Variants in IMMP2L observed in about 807,000 individuals in gnomAD.
The protein encoded by IMMP2L is inner mitochondrial membrane peptidase subunit 2.
In IMMP2L, 18 loss-of-function variants were observed where a neutral mutation model predicts 19.3. The observed-to-expected ratio is 0.93, with a 90% CI of 0.64 to 1.38. The LOEUF (loss-of-function observed/expected upper bound fraction) is 1.38, where lower values mean the gene tolerates loss of function less well. IMMP2L is among the 40% of genes most tolerant of loss of function. The pLI, the probability that IMMP2L is intolerant of heterozygous loss-of-function variation, is 0.00. For synonymous variants in IMMP2L, 76 were observed against 73.0 expected (o/e 1.04, Z -0.21); for missense variants, 233 against 218.2 (o/e 1.07, Z -0.43).
chr7:111,150,034 C>T (rs1269671516), intron 3 of IMMP2L, among the ~76,000 whole-genome samples: 2 of 152,040 alleles, frequency 1.3e-5, no homozygotes, highest in Non-Finnish European at 2.9e-5. Flanking sequence ...ATTTTATTTC[C>T]AGTACTACTT....
At chr7:111,093,680 G>GA (rs1298020379) in intron 3 of IMMP2L, among the ~76,000 whole-genome samples, 1 of 152,158 alleles carries the variant, frequency 6.6e-6, no homozygotes, top group Non-Finnish European at 1.5e-5. Context: ...TTCAGTCTGA[G>GA]AAATACCAAC....
chr7:111,036,599 CA>C (rs747781449), intron 3 of IMMP2L, among the ~76,000 whole-genome samples: 1 of 151,124 alleles, frequency 6.6e-6, no homozygotes, highest in East Asian at 1.9e-4. Context: ...ATAGTTTAGC[CA>C]AAAAAAAGTC....
intron 3 of IMMP2L, among the ~76,000 whole-genome samples, chr7:111,152,939 T>A (rs924806711): frequency 4.6e-5 from 7 of 152,052 alleles, no homozygotes; most frequent in African/African-American, 1.7e-4. Context: ...GAATGATGAA[T>A]GGATAGCTGG....
At chr7:111,003,564 T>C (rs1406393468) in intron 3 of IMMP2L, among the ~76,000 whole-genome samples, 1 of 151,846 alleles carries the variant, frequency 6.6e-6, no homozygotes, top group Non-Finnish European at 1.5e-5. Context: ...CAGGCTGGAG[T>C]GCAGTGGTGT....
chr7:111,294,709 A>T (rs1390545598), intron 3 of IMMP2L, among the ~76,000 whole-genome samples: 1 of 151,966 alleles, frequency 6.6e-6, no homozygotes, highest in Non-Finnish European at 1.5e-5. Flanking sequence ...ATACTGTGAA[A>T]TAATGCTCAC....
chr7:111,106,703 A>T (rs1798588468), intron 3 of IMMP2L, among the ~76,000 whole-genome samples: 1 of 147,982 alleles, frequency 6.8e-6, no homozygotes, highest in African/African-American at 2.5e-5. Flanking sequence ...CTGTATATCT[A>T]GGATGCACAT....
chr7:110,790,617 A>G (rs1195530622), intron 5 of IMMP2L, among the ~76,000 whole-genome samples: 6 of 151,710 alleles, frequency 4.0e-5, no homozygotes, highest in Non-Finnish European at 8.8e-5. Context: ...GAGAGTAATC[A>G]AGGATGGGTT....
At chr7:110,818,218 A>G (rs560619698) in intron 5 of IMMP2L, among the ~76,000 whole-genome samples, 1 of 152,212 alleles carries the variant, frequency 6.6e-6, no homozygotes, top group African/African-American at 2.4e-5. Context: ...TACTCATCTG[A>G]CAAAGGGCTA....
chr7:111,229,336 G>C (rs891458512), intron 3 of IMMP2L, among the ~76,000 whole-genome samples: 2 of 151,852 alleles, frequency 1.3e-5, no homozygotes, highest in Admixed American at 1.3e-4. Flanking sequence ...TAAGTGATAC[G>C]TATGTATCCA....
intron 5 of IMMP2L, among the ~76,000 whole-genome samples, chr7:110,705,853 A>C (rs1030372389): frequency 2.0e-5 from 3 of 152,100 alleles, no homozygotes; most frequent in Non-Finnish European, 4.4e-5. Context: ...GCTTAGAATA[A>C]TGGCCTCCAG....
intron 3 of IMMP2L, among the ~76,000 whole-genome samples, chr7:111,249,739 C>G (rs952743909): frequency 3.3e-5 from 5 of 152,154 alleles, no homozygotes; most frequent in African/African-American, 4.8e-5. Flanking sequence ...TCTCAATAAA[C>G]TAGGTATTGA....
At chr7:111,002,252 C>T (rs988714474) in intron 3 of IMMP2L, among the ~76,000 whole-genome samples, 1 of 152,044 alleles carries the variant, frequency 6.6e-6, no homozygotes, top group Non-Finnish European at 1.5e-5. Flanking sequence ...GAAAGCCTCT[C>T]CAGCCCAGAG....
At chr7:110,984,201 C>T (rs1158463858) in intron 3 of IMMP2L, among the ~76,000 whole-genome samples, 1 of 151,286 alleles carries the variant, frequency 6.6e-6, no homozygotes, top group Non-Finnish European at 1.5e-5. Context: ...TAGAAAGAAA[C>T]AGAGACAAAA....
At chr7:111,066,684 C>A (rs954426688) in intron 3 of IMMP2L, among the ~76,000 whole-genome samples, 1 of 152,196 alleles carries the variant, frequency 6.6e-6, no homozygotes, top group Middle Eastern at 3.2e-3. Context: ...AACCTTCCCC[C>A]AGATGGGATC....
chr7:111,388,010 A>G (rs1831958718), intron 3 of IMMP2L, among the ~76,000 whole-genome samples: 1 of 151,178 alleles, frequency 6.6e-6, no homozygotes, highest in Non-Finnish European at 1.5e-5. Context: ...CTAAAATACT[A>G]AATAACCCCA....
chr7:111,493,234 T>C (rs1206848742), intron 2 of IMMP2L, among the ~76,000 whole-genome samples: 1 of 152,144 alleles, frequency 6.6e-6, no homozygotes, highest in Non-Finnish European at 1.5e-5. Context: ...TTATTCATAA[T>C]GAAATAATGG....
At chr7:111,415,682 T>C (rs958225455) in intron 3 of IMMP2L, among the ~76,000 whole-genome samples, 4 of 151,740 alleles carry the variant, frequency 2.6e-5, no homozygotes, top group African/African-American at 9.7e-5. Flanking sequence ...CTAGTATATA[T>C]GACACAACCA....
At chr7:111,441,603 T>C (rs1837726836) in intron 3 of IMMP2L, among the ~76,000 whole-genome samples, 1 of 151,446 alleles carries the variant, frequency 6.6e-6, no homozygotes, top group South Asian at 2.1e-4. Context: ...ACAAAAAAGT[T>C]TGAAATATTG....
intron 3 of IMMP2L, among the ~76,000 whole-genome samples, chr7:111,442,465 C>T (rs562119278): frequency 2.6e-5 from 4 of 151,750 alleles, no homozygotes; most frequent in African/African-American, 9.7e-5. Flanking sequence ...GATTTTACCC[C>T]TTTCATGACC....
Sources: allele counts gnomAD v4.1 joint callset (sites outside exome capture counted in the v4.1 genomes callset), GRCh38; gene constraint gnomAD v4.1.1; transcripts MANE v1.5; gene names NCBI Gene and HGNC (gene_info 2026-07-23, HGNC 2026-07-21).